The following THSD7B variants were observed in gnomAD, a reference collection of about 807,000 sequenced individuals.
THSD7B encodes thrombospondin type-1 domain-containing protein 7B.
In THSD7B, 138 loss-of-function variants were observed where a neutral mutation model predicts 213.6. That is an observed-to-expected ratio of 0.65 (90% confidence interval 0.56 to 0.74). The LOEUF (loss-of-function observed/expected upper bound fraction) is 0.74. Ranked by LOEUF, THSD7B falls within the 30% of genes least tolerant of loss-of-function variation. The pLI is 0.00. For synonymous variants in THSD7B, 742 were observed against 687.0 expected (o/e 1.08, Z -1.25); for missense variants, 1,931 against 1,991.5 (o/e 0.97, Z 0.58).
chr2:137,234,427 A>G (rs774848357), intron 9 of THSD7B, among the ~76,000 whole-genome samples: 1 of 152,208 alleles, frequency 6.6e-6, no homozygotes, highest in Non-Finnish European at 1.5e-5. Context: ...GTTATGGGAA[A>G]TGAACTGCTT....
intron 13 of THSD7B, among the ~76,000 whole-genome samples, chr2:137,407,693 A>G (rs7599970): frequency 0.083 from 12,698 of 152,146 alleles, 1,119 homozygotes; most frequent in African/African-American, 0.22. Flanking sequence ...ACACACACTG[A>G]AACATATAAA....
At chr2:137,442,464 T>C (rs1687435699) in intron 14 of THSD7B, among the ~76,000 whole-genome samples, 2 of 151,424 alleles carry the variant, frequency 1.3e-5, no homozygotes, top group South Asian at 4.2e-4. Flanking sequence ...GTCTCGGTGG[T>C]TGAAAGCCAC....
chr2:137,211,456 A>G (rs974797458), intron 7 of THSD7B, among the ~76,000 whole-genome samples: 1 of 151,892 alleles, frequency 6.6e-6, no homozygotes, highest in African/African-American at 2.4e-5. Context: ...TGAAAAAATT[A>G]AACCATCACA....
At chr2:137,454,414 CTG>C (rs1371531322) in intron 15 of THSD7B, among the ~76,000 whole-genome samples, 1 of 123,584 alleles carries the variant, frequency 8.1e-6, no homozygotes, top group Non-Finnish European at 1.7e-5. Context: ...GTCTGTCTGT[CTG>C]TCTGTCTGTC....
rs938454753 is a variant in THSD7B, at chr2:137,317,935, AG to A, written c.2500+41915del. Among the ~76,000 whole-genome samples, 50 of 151,940 alleles carry A rather than the reference AG, an allele frequency of 3.3e-4. 1 individual carries two copies. The highest frequency in any genetic ancestry group is 1.9e-3 in the South Asian group (9 of 4,812). On this transcript the variant is annotated intron_variant, in intron 12 of 27. Transcript: ENST00000409968. Reference sequence around the variant, plus strand: ...GAGCAAGACCCTGTCTCTATGGGGGAGGGGGGAAGAAAAAGGATCCATGCTG... The same window carrying A: ...GAGCAAGACCCTGTCTCTATGGGGGAGGGGGAAGAAAAAGGATCCATGCTG...
intron 12 of THSD7B, among the ~76,000 whole-genome samples, chr2:137,402,137 T>C (rs1194655637): frequency 6.6e-6 from 1 of 152,216 alleles, no homozygotes; most frequent in Non-Finnish European, 1.5e-5. Flanking sequence ...AGACATTGTC[T>C]TAAGAATTCT....
At chr2:136,873,121 C>G (rs1280617228) in intron 1 of THSD7B, among the ~76,000 whole-genome samples, 1 of 149,912 alleles carries the variant, frequency 6.7e-6, no homozygotes, top group Non-Finnish European at 1.5e-5. Context: ...TTTCAGAAAA[C>G]CTATTTCAAT....
intron 3 of THSD7B, among the ~76,000 whole-genome samples, chr2:137,077,901 A>G (rs1169970901): frequency 2.0e-5 from 3 of 152,280 alleles, no homozygotes; most frequent in African/African-American, 4.8e-5. Context: ...GTCCTTGTCC[A>G]TGCCTATGTC....
intron 12 of THSD7B, among the ~76,000 whole-genome samples, chr2:137,365,878 A>G (rs1201929661): frequency 6.6e-6 from 1 of 152,224 alleles, no homozygotes; most frequent in Non-Finnish European, 1.5e-5. Flanking sequence ...TGACCCAGCC[A>G]TCCCATTACT....
chr2:137,010,442 C>A (rs10928585), intron 2 of THSD7B, among the ~76,000 whole-genome samples: 11,055 of 152,140 alleles, frequency 0.073, 430 homozygotes, highest in East Asian at 0.15. Context: ...TAATGTCTAC[C>A]TCCCCTGACA....
intron 7 of THSD7B, among the ~76,000 whole-genome samples, chr2:137,202,773 TCAAGTCTCTC>T (rs1680904791): frequency 6.6e-6 from 1 of 152,140 alleles, no homozygotes; most frequent in South Asian, 2.1e-4. Context: ...TGGTGGTAAG[TCAAGTCTCTC>T]CAATTACATC....
At chr2:136,965,410 G>A (rs1685296803) in intron 2 of THSD7B, among the ~76,000 whole-genome samples, 3 of 152,180 alleles carry the variant, frequency 2.0e-5, no homozygotes, top group Admixed American at 1.3e-4. Flanking sequence ...TCTAAATAGA[G>A]GATCAGAGAA....
intron 15 of THSD7B, among the ~76,000 whole-genome samples, chr2:137,557,421 A>G (rs1422305436): frequency 6.6e-6 from 1 of 152,218 alleles, no homozygotes; most frequent in Non-Finnish European, 1.5e-5. Context: ...TGGATACTGA[A>G]CAACCTGTTC....
chr2:137,613,709 C>T (rs1379184765), intron 17 of THSD7B, among the ~76,000 whole-genome samples: 1 of 152,110 alleles, frequency 6.6e-6, no homozygotes, highest in East Asian at 1.9e-4. Flanking sequence ...TATATAATTA[C>T]TCTAGTGAAG....
chr2:137,285,330 C>G (rs561680926), intron 12 of THSD7B, among the ~76,000 whole-genome samples: 10 of 152,196 alleles, frequency 6.6e-5, no homozygotes, highest in African/African-American at 2.4e-4. Flanking sequence ...ATATAGCACA[C>G]GGATGGGTCT....
At chr2:137,645,830 A>G (rs1252757861) in intron 21 of THSD7B, among the ~76,000 whole-genome samples, 4 of 152,206 alleles carry the variant, frequency 2.6e-5, no homozygotes, top group African/African-American at 4.8e-5. Flanking sequence ...ACATACACCT[A>G]GACAATTCTG....
intron 10 of THSD7B, 88 bp downstream of exon 10, chr2:137,242,660 CA>C: frequency 4.6e-6 from 4 of 878,302 alleles, no homozygotes; most frequent in East Asian, 2.8e-5. Context: ...GGAATGTGAG[CA>C]CCTTTTTTTT....
chr2:136,893,705 T>G (rs1267555645), intron 2 of THSD7B, among the ~76,000 whole-genome samples: 1 of 152,220 alleles, frequency 6.6e-6, no homozygotes, highest in Admixed American at 6.5e-5. Context: ...GTGTACCTTA[T>G]GGATTTACCC....
chr2:137,324,102 A>G (rs1323236517), intron 12 of THSD7B, among the ~76,000 whole-genome samples: 2 of 152,158 alleles, frequency 1.3e-5, no homozygotes, highest in Non-Finnish European at 1.5e-5. Flanking sequence ...TTGCAGAGGT[A>G]AAAAGTCACT....
Sources: gnomAD v4.1 joint callset for allele counts (sites outside exome capture counted in the v4.1 genomes callset) on GRCh38, gnomAD v4.1.1 for gene constraint, MANE v1.5 for transcripts, NCBI Gene and HGNC (gene_info 2026-07-23, HGNC 2026-07-21) for gene names.